The following FAM217A variants were observed in gnomAD, a reference collection of about 807,000 sequenced individuals.
FAM217A encodes the protein protein FAM217A.
In FAM217A, 13 loss-of-function variants were observed where a neutral mutation model predicts 18.5. The observed-to-expected ratio is 0.70, with a 90% CI of 0.46 to 1.12. The LOEUF is 1.12. Ranked by LOEUF, FAM217A falls within the 50% of genes most tolerant of loss-of-function variation. The pLI is 0.00. For synonymous variants in FAM217A, 161 were observed against 202.8 expected, an observed-to-expected ratio of 0.79 and a Z score of 1.75; for missense variants, 560 against 575.4, an observed-to-expected ratio of 0.97 and a Z score of 0.27.
upstream of FAM217A, chr6:4,079,168 G>T (rs1309177317): frequency 6.2e-6 from 2 of 325,058 alleles, no homozygotes. Context: ...ACCAGAGAGC[G>T]GGGGCGCCCG....
chr6:4,074,577 C>T lies in FAM217A; in HGVS notation c.145G>A (p.Gly49Ser). The T allele has an allele frequency of 6.2e-7, 1 of 1,611,874 alleles. No homozygotes were observed. Among genetic ancestry groups the T allele is most frequent in the East Asian group, 2.2e-5 (1 of 44,820 alleles). Residue 49 changes from glycine to serine, a missense_variant and splice_region_variant, in exon 3 of 7, where the codon GGC becomes AGC. Coordinates refer to ENST00000274673, the MANE Select transcript of FAM217A (RefSeq NM_173563.3). ...AGTATACACATCTAGGATTTCTTAC[C>T]ACCTGCTGCTCCATCCCTTCCAGCT... ...LPAGRDGAAG[G>S]KINKNYLEIP... is the part of the protein sequence containing the mutation.
intron 4 of FAM217A, 51 bp from the exon 5 acceptor site, chr6:4,073,558 C>T (rs1424810394): frequency 7.0e-7 from 1 of 1,424,836 alleles, no homozygotes. Context: ...GTTCCCTATT[C>T]TTGTTCTAAC....
rs777057045 is a variant in FAM217A at position 4,077,458 on chromosome 6, T to C, written c.-34-10A>G. 2 of 1,599,158 alleles carry C rather than the reference T, an allele frequency of 1.3e-6. No homozygotes were observed. Among genetic ancestry groups the C allele is most frequent in the Non-Finnish European group, 8.6e-7 (1 of 1,166,426 alleles). Reference sequence around the variant, plus strand: ...CTGTTTCCTTAAAATCCTACACAGATTGCGGGATAGGCACATTTATGGGTA... The same window carrying C: ...CTGTTTCCTTAAAATCCTACACAGACTGCGGGATAGGCACATTTATGGGTA... On this transcript the variant is annotated splice_polypyrimidine_tract_variant and intron_variant, in intron 1 of 6. Coordinates refer to ENST00000274673, the MANE Select transcript of FAM217A (RefSeq NM_173563.3).
Position 4,069,278 on chromosome 6 carries a change from T to C in FAM217A, c.945A>G (p.Pro315=). 6.2e-7 allele frequency: 1 copy of C among 1,614,184 alleles called. No individual in the cohort carries two copies. The highest frequency in any genetic ancestry group is 2.2e-5 in the East Asian group (1 of 44,866). The part of the protein sequence containing the change: ...RPRLQTTFCT[P]AVTERPSSSK... The stretch of plus-strand genomic sequence containing the variant: ...AGGAAGAGGGTCGTTCAGTAACTGC[T>C]GGAGTACAGAAAGTCGTTTGTAGTC... Residue 315 remains proline, a synonymous_variant, in exon 7 of 7, where the codon CCA becomes CCG. Coordinates refer to ENST00000274673, the MANE Select transcript of FAM217A (RefSeq NM_173563.3).
At chr6:4,071,545 G>A (rs654982) in intron 6 of FAM217A, among the ~76,000 whole-genome samples, 33,841 of 152,042 alleles carry the variant, frequency 0.22, 4,152 homozygotes, top group East Asian at 0.36. Context: ...AACTGCACGT[G>A]GTGGACTCCT....
Position 4,086,414 on chromosome 6 carries a change from C to T in FAM217A, c.18+596G>A, listed in dbSNP as rs182862327. Among the ~76,000 whole-genome samples, 859 of 146,724 alleles carry T rather than the reference C, an allele frequency of 5.9e-3. 7 individuals are homozygous for T. The highest frequency in any genetic ancestry group is 9.7e-3 in the Non-Finnish European group (651 of 67,434). ...TGAGCCGAGATCACGCCATTACACT[C>T]CTGCCTGGGCAACAAGAGCAAAACT... is the stretch of plus-strand genomic sequence containing the variant. On this transcript the variant is annotated intron_variant, in intron 1 of 8. Coordinates refer to the FAM217A transcript ENST00000639338.
chr6:4,071,563 A>C (rs2113859296), intron 6 of FAM217A, among the ~76,000 whole-genome samples: 1 of 152,302 alleles, frequency 6.6e-6, no homozygotes, highest in South Asian at 2.1e-4. Flanking sequence ...CCTATGCCCC[A>C]GGTCCTAACC....
Position 4,069,443 on chromosome 6 carries a change from G to C in FAM217A, c.780C>G (p.Asp260Glu). 6.2e-7 allele frequency: 1 copy of C among 1,614,182 alleles called. No individual in the cohort carries two copies. Among genetic ancestry groups the C allele is most frequent in the African/African-American group, 1.3e-5 (1 of 75,056 alleles). Residue 260 changes from aspartate to glutamate, a missense_variant, in exon 7 of 7, where the codon GAC becomes GAG. By Grantham distance (45) the Asp-to-Glu change is conservative. Coordinates refer to ENST00000274673, the MANE Select transcript of FAM217A (RefSeq NM_173563.3). ...ATTTGGAGAGGGCTAAATTGTGCAAGTCTAGAGCACTGAAAGGAGGAGGGA... is the reference window on the plus strand; with the variant it reads ...ATTTGGAGAGGGCTAAATTGTGCAACTCTAGAGCACTGAAAGGAGGAGGGA... The part of the protein sequence containing the change: ...DFLPPPFSAL[D>E]LHNLALSKSD...
upstream of FAM217A, among the ~76,000 whole-genome samples, chr6:4,082,531 C>G (rs1370450450): frequency 1.3e-5 from 2 of 152,168 alleles, no homozygotes; most frequent in Non-Finnish European, 2.9e-5. Context: ...CCAATTTTCC[C>G]TTTGCCTTTC....
chr6:4,082,393 C>T (rs939890906), upstream of FAM217A, among the ~76,000 whole-genome samples: 1 of 152,322 alleles, frequency 6.6e-6, no homozygotes, highest in Non-Finnish European at 1.5e-5. Flanking sequence ...CTTCTGCCCT[C>T]CTGTCTCTCA....
chr6:4,075,336 AATAC>A (rs1769709616), intron 2 of FAM217A, among the ~76,000 whole-genome samples: 1 of 152,192 alleles, frequency 6.6e-6, no homozygotes, highest in Admixed American at 6.5e-5. Context: ...TCTGTCTCAA[AATAC>A]ATACATAAAT....
upstream of FAM217A, among the ~76,000 whole-genome samples, chr6:4,083,898 AAGTT>A (rs779977222): frequency 3.3e-5 from 5 of 152,172 alleles, no homozygotes; most frequent in Non-Finnish European, 7.3e-5. Context: ...CATTTTCTGA[AAGTT>A]AGGACACTAT....
Position 4,074,533 on chromosome 6 carries a change from G to A in FAM217A, c.145+44C>T, listed in dbSNP as rs752829053. On this transcript the variant is annotated intron_variant, in intron 3 of 6. Transcript: ENST00000274673. ...TTCAAAACAAACCCCCTTTTAATAT[G>A]AGTGATTCTTTCAGTATAAGTATAC... The A allele has an allele frequency of 1.5e-5, 23 of 1,573,084 alleles. No individual in the cohort carries two copies. In the South Asian group the frequency reaches 2.0e-4, roughly 14 times the overall value.
At chr6:4,077,485 G>A in intron 1 of FAM217A, 37 bp from the exon 2 acceptor site, 2 of 1,469,548 alleles carry the variant, frequency 1.4e-6, no homozygotes, top group Non-Finnish European at 1.9e-6. Context: ...TTATGGGTAA[G>A]GGTCAACATT....
At chr6:4,080,481 C>T (rs1364502885), upstream of FAM217A, among the ~76,000 whole-genome samples, 1 of 152,212 alleles carries the variant, frequency 6.6e-6, no homozygotes, top group Admixed American at 6.5e-5. Context: ...AGTAGAAGCA[C>T]AGTGGTAGAA....
intron 6 of FAM217A, among the ~76,000 whole-genome samples, chr6:4,072,158 T>C (rs1769462456): frequency 6.6e-6 from 1 of 151,764 alleles, no homozygotes; most frequent in Non-Finnish European, 1.5e-5. Flanking sequence ...CTGGCCAAGA[T>C]GGTAAAACCC....
Position 4,068,587 on chromosome 6 carries a change from T to C in FAM217A, c.*109A>G, listed in dbSNP as rs1769178681. On this transcript the variant is annotated 3_prime_UTR_variant, in exon 7 of 7. Coordinates refer to ENST00000274673, the MANE Select transcript of FAM217A (RefSeq NM_173563.3). ...CATATCACATCAAGCAACTGTTTGG[T>C]GATTTTGGGGGACTGTTAATAGTAC... 1.6e-6 allele frequency: 2 copies of C among 1,254,768 alleles called. No homozygotes were observed. The highest frequency in any genetic ancestry group is 3.0e-5 in the African/African-American group (2 of 66,470). 77.7% of individuals were successfully genotyped at this position (1,254,768 alleles called of 1,614,324 possible).
At chr6:4,087,268 A>C (rs192675654), upstream of FAM217A, 227 of 1,210,418 alleles carry the variant, frequency 1.9e-4, no homozygotes, top group East Asian at 4.2e-3. Flanking sequence ...CAGACGCAAG[A>C]CTGGAGTTTC....
At chr6:4,074,504 T>A (rs750030125) in intron 3 of FAM217A, 48 bp from the exon 4 acceptor site, 40 of 1,580,344 alleles carry the variant, frequency 2.5e-5, no homozygotes, top group Non-Finnish European at 3.1e-5. Flanking sequence ...TAAAACTGAT[T>A]ATATTCAAAA....
Sources: gnomAD v4.1 joint callset for allele counts (sites outside exome capture counted in the v4.1 genomes callset) on GRCh38, gnomAD v4.1.1 for gene constraint, MANE v1.5 for transcripts, NCBI Gene and HGNC (gene_info 2026-07-23, HGNC 2026-07-21) for gene names.